TMEM45B: variants seen among roughly 807,000 people sequenced by gnomAD.
TMEM45B encodes transmembrane protein 45B.
A neutral mutation model predicts 27.3 loss-of-function variants in TMEM45B; 29 were observed. The observed-to-expected ratio is 1.06, with a 90% confidence interval of 0.79 to 1.45. The LOEUF is 1.45. Among genes scored for constraint, TMEM45B ranks in the 40% most tolerant of loss-of-function variants. TMEM45B has a pLI of 0.00. For missense variants in TMEM45B, 348 were observed against 343.9 expected, an observed-to-expected ratio of 1.01 and a Z score of -0.09; for synonymous variants, 143 against 134.7, an observed-to-expected ratio of 1.06 and a Z score of -0.43.
Position 129,857,236 on chromosome 11 carries a change from G to A in TMEM45B, c.571-77G>A, listed in dbSNP as rs533272357. On this transcript the variant is annotated intron_variant, in intron 4 of 5. Coordinates refer to ENST00000281441, the MANE Select transcript of TMEM45B (RefSeq NM_138788.5). ...GCGGTGGTCACACATGGGCCACTTC[G>A]GTGGCCACAGGAGAACGGCTAGATT... 62 of 1,553,250 alleles carry A rather than the reference G, an allele frequency of 4.0e-5. 1 individual carries two copies. The Middle Eastern group carries it at 5.3e-4, about 13-fold the overall frequency.
chr11:129,852,586 A>G lies in TMEM45B; in HGVS notation c.104A>G (p.Lys35Arg). The G allele has an allele frequency of 6.2e-7, 1 of 1,614,014 alleles. No individual in the cohort carries two copies. Among genetic ancestry groups the G allele is most frequent in the Non-Finnish European group, 8.5e-7 (1 of 1,179,922 alleles). ...CTGAAGTACTTTAGCCACACGCGGA[A>G]GAACAGCCCACTACATTACTATCAG... ...YPLKYFSHTR[K>R]NSPLHYYQRL... The change falls in exon 2 of 6, where the codon AAG becomes AGG. Residue 35 changes from lysine (K) to arginine (R), a missense_variant. Physicochemically the swap from Lys to Arg is conservative, Grantham distance 26. Coordinates refer to ENST00000281441, the MANE Select transcript of TMEM45B (RefSeq NM_138788.5).
intron 1 of TMEM45B, among the ~76,000 whole-genome samples, chr11:129,835,745 C>T (rs1313047269): frequency 1.3e-5 from 2 of 152,184 alleles, no homozygotes; most frequent in Admixed American, 1.3e-4. Flanking sequence ...GTAGAGGAAT[C>T]AGGGTGATGG....
intron 1 of TMEM45B, among the ~76,000 whole-genome samples, chr11:129,837,160 T>C (rs2135574083): frequency 6.6e-6 from 1 of 152,224 alleles, no homozygotes; most frequent in Non-Finnish European, 1.5e-5. Flanking sequence ...TTCTTTGTTA[T>C]TGAAATCCCA....
chr11:129,833,079 T>C (rs1219171807), intron 1 of TMEM45B, among the ~76,000 whole-genome samples: 1 of 151,266 alleles, frequency 6.6e-6, no homozygotes, highest in Non-Finnish European at 1.5e-5. Context: ...CCATCTCTAC[T>C]AAAAATGCAA....
At chr11:129,849,041 C>A (rs1947807439) in intron 1 of TMEM45B, among the ~76,000 whole-genome samples, 1 of 152,168 alleles carries the variant, frequency 6.6e-6, no homozygotes, top group Non-Finnish European at 1.5e-5. Context: ...CCTGGCCCCC[C>A]AGAATTCACG....
chr11:129,847,905 C>T (rs1947786064), intron 1 of TMEM45B, among the ~76,000 whole-genome samples: 1 of 152,162 alleles, frequency 6.6e-6, no homozygotes, highest in Admixed American at 6.5e-5. Flanking sequence ...TTGGGTACAC[C>T]TCCCAGATGG....
At chr11:129,821,551 T>G (rs1947420217) in intron 1 of TMEM45B, among the ~76,000 whole-genome samples, 1 of 152,190 alleles carries the variant, frequency 6.6e-6, no homozygotes, top group Admixed American at 6.5e-5. Flanking sequence ...GTGTATAAGA[T>G]TCAGGCCCCA....
chr11:129,858,015 A>G (rs564653064), intron 5 of TMEM45B, among the ~76,000 whole-genome samples: 1 of 152,316 alleles, frequency 6.6e-6, no homozygotes, highest in Non-Finnish European at 1.5e-5. Flanking sequence ...TGCTTTATGA[A>G]GTATGCACTG....
At chr11:129,845,907 G>A (rs1219508693) in intron 1 of TMEM45B, among the ~76,000 whole-genome samples, 1 of 152,132 alleles carries the variant, frequency 6.6e-6, no homozygotes, top group Non-Finnish European at 1.5e-5. Flanking sequence ...TAGGGTGGGT[G>A]GAAAACAAGA....
chr11:129,855,521 A>G (rs1171267870), intron 3 of TMEM45B, among the ~76,000 whole-genome samples, 187 bp from the exon 4 acceptor site: 2 of 152,068 alleles, frequency 1.3e-5, no homozygotes, highest in African/African-American at 4.8e-5. Context: ...TTAAGATACA[A>G]TCCCTTGCTG....
chr11:129,846,576 G>A (rs1469947658), intron 1 of TMEM45B, among the ~76,000 whole-genome samples: 4 of 152,196 alleles, frequency 2.6e-5, no homozygotes, highest in African/African-American at 9.6e-5. Flanking sequence ...CTGGCCCTGC[G>A]GTAAGCTGTG....
chr11:129,815,996 C>G (rs1196058682), intron 1 of TMEM45B, 98 bp downstream of exon 1: 2 of 1,238,810 alleles, frequency 1.6e-6, no homozygotes, highest in Admixed American at 8.4e-5. Context: ...AGAGGAGGTT[C>G]CGACTCGCAG....
chr11:129,853,389 T>TTCTTGGAGAGAGTGAAGCAACATCGCTTC (rs1947876460), intron 2 of TMEM45B, among the ~76,000 whole-genome samples: 3 of 152,204 alleles, frequency 2.0e-5, no homozygotes, highest in Non-Finnish European at 4.4e-5. Context: ...GGCCTATGGC[T>TTCTTGGAGAGAGTGAAGCAACATCGCTTC]TCTTGGAGAG....
intron 1 of TMEM45B, among the ~76,000 whole-genome samples, chr11:129,843,327 T>C (rs1183341591): frequency 6.6e-6 from 1 of 152,220 alleles, no homozygotes; most frequent in Non-Finnish European, 1.5e-5. Flanking sequence ...TTATCTGCTA[T>C]CGTTGCTGTT....
chr11:129,843,568 T>C (rs1012754024), intron 1 of TMEM45B, among the ~76,000 whole-genome samples: 6 of 150,550 alleles, frequency 4.0e-5, no homozygotes, highest in Non-Finnish European at 8.8e-5. Context: ...TATAGCATTG[T>C]AGTCAAAGAA....
At chr11:129,819,072 C>A (rs940516359) in intron 1 of TMEM45B, among the ~76,000 whole-genome samples, 1 of 152,216 alleles carries the variant, frequency 6.6e-6, no homozygotes, top group Admixed American at 6.5e-5. Flanking sequence ...TATGGACCTT[C>A]TGTTCTAACT....
intron 1 of TMEM45B, among the ~76,000 whole-genome samples, chr11:129,846,762 A>G (rs1382372533): frequency 1.3e-5 from 2 of 152,216 alleles, no homozygotes; most frequent in East Asian, 1.9e-4. Context: ...TCTATTGTAC[A>G]TGCAGGAGTC....
chr11:129,823,125 C>T (rs1947440375), intron 1 of TMEM45B, among the ~76,000 whole-genome samples: 1 of 152,162 alleles, frequency 6.6e-6, no homozygotes, highest in South Asian at 2.1e-4. Flanking sequence ...AGGCATGAGC[C>T]ACCACACCCA....
intron 1 of TMEM45B, among the ~76,000 whole-genome samples, chr11:129,821,181 G>T (rs1947415564): frequency 6.6e-6 from 1 of 152,150 alleles, no homozygotes; most frequent in Non-Finnish European, 1.5e-5. Flanking sequence ...ATGGGGTGTA[G>T]GAGTTGCTAC....
Sources: gnomAD v4.1 joint callset for allele counts (sites outside exome capture counted in the v4.1 genomes callset) on GRCh38, gnomAD v4.1.1 for gene constraint, MANE v1.5 for transcripts, NCBI Gene and HGNC (gene_info 2026-07-23, HGNC 2026-07-21) for gene names.